Variants in KDM4C observed in about 807,000 individuals in gnomAD.
KDM4C encodes the protein lysine-specific demethylase 4C.
A neutral mutation model predicts 129.3 loss-of-function variants in KDM4C; 81 were observed. That is an observed-to-expected ratio of 0.63 (90% CI 0.52 to 0.75). The LOEUF is 0.75. Ranked by LOEUF, KDM4C falls within the 30% of genes least tolerant of loss-of-function variation. The pLI is 0.00. For missense variants in KDM4C, 1,457 were observed against 1,304.0 expected, an observed-to-expected ratio of 1.12 and a Z score of -1.81; for synonymous variants, 573 against 456.1, an observed-to-expected ratio of 1.26 and a Z score of -3.26.
intron 19 of KDM4C, among the ~76,000 whole-genome samples, chr9:7,150,314 G>A (rs538428739): frequency 2.6e-5 from 4 of 152,324 alleles, no homozygotes; most frequent in East Asian, 1.9e-4. Flanking sequence ...GTGGCTTAAC[G>A]TGGAGGAAGT....
chr9:6,919,833 C>A (rs969750754), intron 8 of KDM4C, among the ~76,000 whole-genome samples: 1 of 151,974 alleles, frequency 6.6e-6, no homozygotes, highest in Non-Finnish European at 1.5e-5. Context: ...CCTTGGCCCC[C>A]CAAAGTGCTA....
intron 8 of KDM4C, among the ~76,000 whole-genome samples, chr9:6,921,911 C>A (rs1225590221): frequency 6.6e-6 from 1 of 152,162 alleles, no homozygotes; most frequent in African/African-American, 2.4e-5. Flanking sequence ...CAGAATACCC[C>A]TCCCCAATCT....
At chr9:6,730,363 T>C (rs36111586) in intron 1 of KDM4C, among the ~76,000 whole-genome samples, 13,109 of 152,090 alleles carry the variant, frequency 0.086, 738 homozygotes, top group Non-Finnish European at 0.12. Flanking sequence ...CGCCTGTAAT[T>C]CCAGCACTTT....
intron 17 of KDM4C, among the ~76,000 whole-genome samples, chr9:7,099,870 C>G (rs1836874657): frequency 6.6e-6 from 1 of 152,152 alleles, no homozygotes; most frequent in African/African-American, 2.4e-5. Context: ...GCAGAACATA[C>G]ACTTTTCAAT....
chr9:7,055,494 C>T (rs1036984851), intron 17 of KDM4C, among the ~76,000 whole-genome samples: 15 of 152,182 alleles, frequency 9.9e-5, no homozygotes, highest in East Asian at 1.9e-4. Flanking sequence ...CAAGCCTTTC[C>T]GTGTCTGGCT....
chr9:6,926,777 T>C (rs1822644540), intron 8 of KDM4C, among the ~76,000 whole-genome samples: 1 of 152,230 alleles, frequency 6.6e-6, no homozygotes, highest in African/African-American at 2.4e-5. Flanking sequence ...AAACTCTTGA[T>C]GTTTTCATTG....
chr9:7,103,593 T>TC (rs967004952), intron 17 of KDM4C, 92 bp from the exon 18 acceptor site: 10 of 955,598 alleles, frequency 1.0e-5, no homozygotes, highest in Non-Finnish European at 1.5e-5. Flanking sequence ...TTTTTTTTTT[T>TC]TTCTTCTCTA....
chr9:6,998,938 T>C (rs1169372564), intron 12 of KDM4C, among the ~76,000 whole-genome samples: 1 of 152,226 alleles, frequency 6.6e-6, no homozygotes, highest in African/African-American at 2.4e-5. Context: ...AGGTTGTTTT[T>C]TTTTCTGGCA....
chr9:6,941,062 G>C (rs921626326), intron 8 of KDM4C, among the ~76,000 whole-genome samples: 1 of 149,122 alleles, frequency 6.7e-6, no homozygotes, highest in Non-Finnish European at 1.5e-5. Flanking sequence ...AGAAAGTCTT[G>C]CCGTGTCATC....
intron 15 of KDM4C, among the ~76,000 whole-genome samples, chr9:7,043,479 T>C (rs897837184): frequency 2.0e-5 from 3 of 152,056 alleles, no homozygotes; most frequent in African/African-American, 4.8e-5. Context: ...TAAAGTACTA[T>C]TTAAAAAAGG....
rs978462615 is a variant in KDM4C at position 6,834,038 on chromosome 9, A to T, written c.436-15469A>T. Among the ~76,000 whole-genome samples the T allele has an allele frequency of 1.5e-3, 95 of 62,202 alleles. No homozygotes were observed. The Middle Eastern group carries it at 0.025, about 16-fold the overall frequency. 40.8% of individuals were successfully genotyped at this position (62,202 alleles called of 152,430 possible). A position where few individuals can be genotyped will look rare whatever the true frequency, so the allele number is the denominator to read the frequency against. On this transcript the variant is annotated intron_variant, in intron 4 of 21. Coordinates refer to ENST00000381309, the MANE Select transcript of KDM4C (RefSeq NM_015061.6). ...GGCCTCATGGGATATGACTCAAGAG[A>T]TAGTCTTTTTTTTTTTTTTTAAGAT...
chr9:7,156,893 G>T (rs1843234233), intron 19 of KDM4C, among the ~76,000 whole-genome samples: 1 of 152,200 alleles, frequency 6.6e-6, no homozygotes, highest in South Asian at 2.1e-4. Flanking sequence ...TGTGAAGAAA[G>T]TCATTGGTAG....
chr9:6,892,366 G>C (rs1051217692), intron 7 of KDM4C, among the ~76,000 whole-genome samples: 3 of 151,824 alleles, frequency 2.0e-5, no homozygotes, highest in African/African-American at 7.3e-5. Flanking sequence ...TTTTTCTGTA[G>C]ACCATGGGAT....
At chr9:7,009,811 T>A (rs976342424) in intron 12 of KDM4C, among the ~76,000 whole-genome samples, 12 of 152,318 alleles carry the variant, frequency 7.9e-5, no homozygotes, top group African/African-American at 2.9e-4. Flanking sequence ...ACATCATTGG[T>A]TTGAATTGTT....
At chr9:6,856,877 C>G (rs1185103636) in intron 5 of KDM4C, among the ~76,000 whole-genome samples, 2 of 151,620 alleles carry the variant, frequency 1.3e-5, no homozygotes, top group African/African-American at 4.8e-5. Flanking sequence ...CCTGCCTCAG[C>G]CTCCCGAGTA....
intron 1 of KDM4C, among the ~76,000 whole-genome samples, chr9:6,779,147 G>C (rs1452412992): frequency 6.6e-6 from 1 of 150,390 alleles, no homozygotes; most frequent in Non-Finnish European, 1.5e-5. Flanking sequence ...TCCTGCCTCA[G>C]CCTCCCGAGT....
At chr9:6,749,008 G>C (rs746895951) in intron 1 of KDM4C, 4 of 736,654 alleles carry the variant, frequency 5.4e-6, no homozygotes, top group Non-Finnish European at 1.0e-5. Context: ...GAGCACACTT[G>C]CAAGCTTATT....
intron 8 of KDM4C, among the ~76,000 whole-genome samples, chr9:6,977,402 G>T (rs1833105675): frequency 6.6e-6 from 1 of 152,064 alleles, no homozygotes; most frequent in Non-Finnish European, 1.5e-5. Context: ...CTTTTTCCCA[G>T]TATGTTCTGA....
intron 5 of KDM4C, among the ~76,000 whole-genome samples, chr9:6,856,036 T>C (rs1037661397): frequency 1.3e-5 from 2 of 152,214 alleles, no homozygotes; most frequent in African/African-American, 4.8e-5. Context: ...TCACCATTCC[T>C]GGCCCCACCA....
Sources: gnomAD v4.1 joint callset for allele counts (sites outside exome capture counted in the v4.1 genomes callset) on GRCh38, gnomAD v4.1.1 for gene constraint, MANE v1.5 for transcripts, NCBI Gene and HGNC (gene_info 2026-07-23, HGNC 2026-07-21) for gene names.